The following CES5A variants were observed in gnomAD, a reference collection of about 807,000 sequenced individuals.
CES5A encodes carboxylesterase 5A.
CES5A carries 67 observed loss-of-function variants against 62.9 expected under a neutral mutation model. That is an observed-to-expected ratio of 1.07 (90% CI 0.88 to 1.31). The LOEUF is 1.31. Among genes scored for constraint, CES5A ranks in the 50% most tolerant of loss-of-function variants. The pLI, the probability that CES5A is intolerant of heterozygous loss-of-function variation, is 0.00. For synonymous variants in CES5A, 296 were observed against 280.8 expected, an observed-to-expected ratio of 1.05 and a Z score of -0.54; for missense variants, 748 against 708.5, an observed-to-expected ratio of 1.06 and a Z score of -0.63.
intron 1 of CES5A, among the ~76,000 whole-genome samples, chr16:55,950,149 C>T (rs868033482): frequency 3.4e-4 from 52 of 152,068 alleles, no homozygotes; most frequent in Admixed American, 5.9e-4. Context: ...AAAGGAGAGA[C>T]CTGCTACAAG....
chr16:55,872,013 C>G (rs571308497), intron 2 of CES5A, among the ~76,000 whole-genome samples: 2 of 152,252 alleles, frequency 1.3e-5, no homozygotes, highest in African/African-American at 4.8e-5. Context: ...TGCACCATTA[C>G]CCCCACCACC....
intron 4 of CES5A, among the ~76,000 whole-genome samples, chr16:55,868,383 C>G (rs1315152761): frequency 6.6e-6 from 1 of 152,180 alleles, no homozygotes; most frequent in Non-Finnish European, 1.5e-5. Context: ...TACCTCCCTC[C>G]CAACTTCCTA....
intron 1 of CES5A, among the ~76,000 whole-genome samples, chr16:55,899,491 T>C (rs1697286759): frequency 6.6e-6 from 1 of 152,172 alleles, no homozygotes; most frequent in Non-Finnish European, 1.5e-5. Context: ...GCTGAGAAGC[T>C]TCAGGATTCT....
chr16:55,936,539 G>A (rs1208415170), intron 2 of CES5A, among the ~76,000 whole-genome samples: 2 of 152,128 alleles, frequency 1.3e-5, no homozygotes, highest in East Asian at 3.9e-4. Flanking sequence ...TCTCCAGCTG[G>A]CCACTAAGTC....
chr16:55,878,599 CCACTGCACCCCAT>C (rs796934921), upstream of CES5A, among the ~76,000 whole-genome samples: 661 of 146,234 alleles, frequency 4.5e-3, 8 homozygotes, highest in African/African-American at 0.016. Context: ...ACTACCCCCA[CCACTGCACCCCAT>C]CACTGCACCC....
At chr16:55,868,159 T>G (rs1443977599) in intron 4 of CES5A, among the ~76,000 whole-genome samples, 1 of 152,230 alleles carries the variant, frequency 6.6e-6, no homozygotes, top group East Asian at 1.9e-4. Context: ...CATCTACCTA[T>G]GATCAAAACC....
intron 2 of CES5A, among the ~76,000 whole-genome samples, chr16:55,942,227 A>T (rs778931728): frequency 6.6e-6 from 1 of 152,230 alleles, no homozygotes; most frequent in Non-Finnish European, 1.5e-5. Flanking sequence ...GGTAACTTGA[A>T]CTTAAATTTT....
At chr16:55,905,230 C>T (rs532141722) in intron 1 of CES5A, among the ~76,000 whole-genome samples, 2 of 152,170 alleles carry the variant, frequency 1.3e-5, no homozygotes, top group Non-Finnish European at 2.9e-5. Flanking sequence ...CTTTATCACA[C>T]AGACAACTTC....
chr16:55,880,611 C>A (rs2033751855), intron 1 of CES5A, among the ~76,000 whole-genome samples: 1 of 152,178 alleles, frequency 6.6e-6, no homozygotes. Flanking sequence ...GAAACTGGAT[C>A]TCCCCCCTAG....
intron 1 of CES5A, among the ~76,000 whole-genome samples, chr16:55,882,482 G>A (rs763168891): frequency 2.1e-4 from 32 of 152,218 alleles, no homozygotes; most frequent in South Asian, 8.3e-4. Flanking sequence ...TATCCCTGAC[G>A]TTTCCACCGT....
At chr16:55,937,370 C>T (rs2034387552) in intron 2 of CES5A, among the ~76,000 whole-genome samples, 2 of 152,186 alleles carry the variant, frequency 1.3e-5, no homozygotes, top group African/African-American at 4.8e-5. Flanking sequence ...CTTCTCAGCA[C>T]CAACCCTTGT....
rs2033451003 is a variant in CES5A at position 55,866,020 on chromosome 16, G to A, written c.648C>T (p.Asp216=). The change falls in exon 5 of 13, where the codon GAC becomes GAT. Residue 216 remains aspartate, a synonymous_variant. Transcript: ENST00000290567. ...CGCCAAAGATGGTCACAGAGCTGGG[G>A]TCCCCACCGAAGAACTCGATGTTCT... is the stretch of plus-strand genomic sequence containing the variant. The part of the protein sequence containing the change: ...VQKNIEFFGG[D]PSSVTIFGES... 2 of 1,614,230 alleles carry A rather than the reference G, an allele frequency of 1.2e-6. No individual in the cohort carries two copies. Among genetic ancestry groups the A allele is most frequent in the Non-Finnish European group, 1.7e-6 (2 of 1,180,042 alleles).
intron 8 of CES5A, 106 bp downstream of exon 8, chr16:55,859,441 C>A: frequency 1.7e-6 from 2 of 1,145,696 alleles, no homozygotes; most frequent in South Asian, 3.0e-5. Flanking sequence ...CTGGTGGGCT[C>A]CAGCACTTAC....
upstream of CES5A, among the ~76,000 whole-genome samples, chr16:55,927,065 G>A (rs1166776665): frequency 1.3e-5 from 2 of 152,062 alleles, no homozygotes; most frequent in African/African-American, 4.8e-5. Context: ...CTGAATCCCT[G>A]TCTCTCACCA....
intron 2 of CES5A, among the ~76,000 whole-genome samples, chr16:55,938,507 G>A (rs1362153202): frequency 6.6e-6 from 1 of 151,672 alleles, no homozygotes; most frequent in East Asian, 1.9e-4. Context: ...GGAGGCCAAG[G>A]TGGGTGGATC....
intron 8 of CES5A, among the ~76,000 whole-genome samples, chr16:55,857,849 G>T (rs754531957): frequency 6.6e-6 from 1 of 152,160 alleles, no homozygotes; most frequent in Non-Finnish European, 1.5e-5. Context: ...CTCAGAGAGG[G>T]TGGGCAACTC....
intron 1 of CES5A, among the ~76,000 whole-genome samples, chr16:55,892,206 G>A (rs2142433778): frequency 6.6e-6 from 1 of 152,202 alleles, no homozygotes; most frequent in Middle Eastern, 3.4e-3. Flanking sequence ...TCAACCAATT[G>A]TGAACCAGAA....
intron 1 of CES5A, among the ~76,000 whole-genome samples, chr16:55,952,748 T>G (rs1301462158): frequency 1.3e-5 from 2 of 152,068 alleles, no homozygotes; most frequent in Admixed American, 6.6e-5. Flanking sequence ...AGACCAATAA[T>G]CATATAAAAA....
At chr16:55,936,003 T>C (rs1297225150) in intron 2 of CES5A, among the ~76,000 whole-genome samples, 3 of 152,274 alleles carry the variant, frequency 2.0e-5, no homozygotes, top group African/African-American at 4.8e-5. Context: ...TTCCAATCTG[T>C]AGATGGGTCT....
Sources: allele counts gnomAD v4.1 joint callset (sites outside exome capture counted in the v4.1 genomes callset), GRCh38; gene constraint gnomAD v4.1.1; transcripts MANE v1.5; gene names NCBI Gene and HGNC (gene_info 2026-07-23, HGNC 2026-07-21).